Variants in DSCAM observed in about 807,000 individuals in gnomAD.
DSCAM encodes the protein DS cell adhesion molecule.
A neutral mutation model predicts 217.7 loss-of-function variants in DSCAM; 47 were observed. That is an observed-to-expected ratio of 0.22 (90% CI 0.17 to 0.28). The LOEUF (loss-of-function observed/expected upper bound fraction) is 0.28, where lower values mean the gene tolerates loss of function less well. Ranked by LOEUF, DSCAM falls within the 10% of genes least tolerant of loss-of-function variation. The probability of loss-of-function intolerance (pLI) is 1.00; values close to 1 mark genes in which losing one functional copy is unlikely to be tolerated. For synonymous variants in DSCAM, 1,056 were observed against 1,015.3 expected, an observed-to-expected ratio of 1.04 and a Z score of -0.76; for missense variants, 2,080 against 2,618.3, an observed-to-expected ratio of 0.79 and a Z score of 4.49.
At chr21:40,210,521 T>C (rs1387213297) in intron 11 of DSCAM, among the ~76,000 whole-genome samples, 1 of 152,186 alleles carries the variant, frequency 6.6e-6, no homozygotes, top group Non-Finnish European at 1.5e-5. Flanking sequence ...CATTATCCAG[T>C]AGACTAGATG....
At chr21:40,501,392 T>C (rs2146036474) in intron 3 of DSCAM, among the ~76,000 whole-genome samples, 1 of 152,300 alleles carries the variant, frequency 6.6e-6, no homozygotes, top group African/African-American at 2.4e-5. Context: ...TTAGTATTAT[T>C]CCTGTGAGCT....
chr21:40,749,669 T>G (rs62223045), intron 1 of DSCAM, among the ~76,000 whole-genome samples: 6,886 of 152,174 alleles, frequency 0.045, 213 homozygotes, highest in Non-Finnish European at 0.069. Context: ...GCATGAAAGA[T>G]CCTCAAAAAT....
At chr21:40,043,016 G>T (rs932924406) in intron 31 of DSCAM, among the ~76,000 whole-genome samples, 5 of 152,234 alleles carry the variant, frequency 3.3e-5, no homozygotes, top group African/African-American at 1.2e-4. Flanking sequence ...GCTCCAACCT[G>T]CAAATGGATC....
At chr21:40,421,457 C>G in intron 3 of DSCAM, among the ~76,000 whole-genome samples, 1 of 152,178 alleles carries the variant, frequency 6.6e-6, no homozygotes, top group East Asian at 1.9e-4. Context: ...TTAGCATGCT[C>G]CTTTTTGAAG....
At position 40,204,835 on chromosome 21, in the gene DSCAM, A is replaced by G. The variant is rs541926856; in HGVS notation, c.2357-15597T>C. The stretch of plus-strand genomic sequence containing the variant: ...CAAGTGTGTCTGCACATGCACACAC[A>G]CAGTCACATGTGCAACTAAAACCAG... On this transcript the variant is annotated intron_variant, in intron 11 of 32. Transcript: ENST00000400454. 2.8e-4 allele frequency among the ~76,000 whole-genome samples: 43 copies of G among 152,330 alleles called. No individual in the cohort carries two copies. In the South Asian group the frequency reaches 5.6e-3, roughly 20 times the overall value.
In DSCAM at chr21:40,740,252, G is replaced by A. The variant is rs140508309; in HGVS notation, c.44-31481C>T. On this transcript the variant is annotated intron_variant, in intron 1 of 32. Transcript: ENST00000400454. The stretch of plus-strand genomic sequence containing the variant: ...TTTCAAATACAGTTAGCTTTGAGCC[G>A]TGCCAATCCAAGCATGGCAGGTTTT... Among the ~76,000 whole-genome samples, 42 of 152,232 alleles carry A rather than the reference G, an allele frequency of 2.8e-4. No individual in the cohort carries two copies. The East Asian group carries it at 3.9e-3, about 14-fold the overall frequency.
chr21:40,275,582 T>C (rs923799229), intron 11 of DSCAM, among the ~76,000 whole-genome samples: 1 of 152,228 alleles, frequency 6.6e-6, no homozygotes, highest in African/African-American at 2.4e-5. Flanking sequence ...AGCGCCAGCA[T>C]TAAGCCTAGT....
At chr21:40,285,744 C>T (rs921388180) in intron 10 of DSCAM, among the ~76,000 whole-genome samples, 2 of 152,154 alleles carry the variant, frequency 1.3e-5, no homozygotes, top group Non-Finnish European at 2.9e-5. Context: ...GGATCCATAT[C>T]GGACTTTGAA....
chr21:40,409,301 TA>T (rs1445556250), intron 3 of DSCAM, among the ~76,000 whole-genome samples: 1 of 152,238 alleles, frequency 6.6e-6, no homozygotes, highest in Admixed American at 6.5e-5. Flanking sequence ...CCTTTTATCT[TA>T]TGCAACTTGA....
intron 24 of DSCAM, among the ~76,000 whole-genome samples, chr21:40,082,492 C>G (rs553324697): frequency 6.6e-6 from 1 of 152,094 alleles, no homozygotes; most frequent in Non-Finnish European, 1.5e-5. Context: ...AGTCATTAGA[C>G]AGTGATAATT....
intron 11 of DSCAM, among the ~76,000 whole-genome samples, chr21:40,191,015 A>G (rs1414295526): frequency 6.6e-6 from 1 of 152,206 alleles, no homozygotes; most frequent in Non-Finnish European, 1.5e-5. Context: ...TCATTTCCCC[A>G]ATCACAGGAA....
chr21:40,742,742 C>T (rs17000274), intron 1 of DSCAM, among the ~76,000 whole-genome samples: 3,208 of 152,202 alleles, frequency 0.021, 116 homozygotes, highest in African/African-American at 0.074. Context: ...TGGATTACGT[C>T]CTATCCTTAC....
intron 3 of DSCAM, among the ~76,000 whole-genome samples, chr21:40,517,059 GTATA>G (rs554763917): frequency 6.9e-6 from 1 of 145,844 alleles, no homozygotes; most frequent in Non-Finnish European, 1.5e-5. Flanking sequence ...TATACTCTGT[GTATA>G]TATATACATA....
intron 24 of DSCAM, among the ~76,000 whole-genome samples, chr21:40,082,714 AAG>A (rs1167306308): frequency 1.3e-5 from 2 of 148,274 alleles, no homozygotes; most frequent in Non-Finnish European, 3.0e-5. Context: ...AAAAAAAAAA[AAG>A]ATCTTCCCTT....
At chr21:40,620,123 A>G (rs1212904710) in intron 3 of DSCAM, among the ~76,000 whole-genome samples, 3 of 112,366 alleles carry the variant, frequency 2.7e-5, no homozygotes, top group African/African-American at 7.9e-5. Context: ...AAAAGAAAGA[A>G]AGAGAGAGAG....
intron 11 of DSCAM, among the ~76,000 whole-genome samples, chr21:40,267,667 C>T (rs929780204): frequency 6.6e-6 from 1 of 152,118 alleles, no homozygotes; most frequent in African/African-American, 2.4e-5. Context: ...GAGGCTGAGG[C>T]AGGCAGATCA....
intron 3 of DSCAM, among the ~76,000 whole-genome samples, chr21:40,518,599 TATATAC>T (rs1436846156): frequency 8.6e-5 from 7 of 81,670 alleles, no homozygotes; most frequent in African/African-American, 5.0e-4. Flanking sequence ...CACACACACA[TATATAC>T]ATACACACAC....
At chr21:40,386,882 A>G (rs953533837) in intron 3 of DSCAM, among the ~76,000 whole-genome samples, 1 of 152,094 alleles carries the variant, frequency 6.6e-6, no homozygotes, top group African/African-American at 2.4e-5. Context: ...TCCCTCTAGG[A>G]TTTTAAGATA....
At chr21:40,039,164 T>C (rs1023368978) in intron 32 of DSCAM, among the ~76,000 whole-genome samples, 4 of 144,780 alleles carry the variant, frequency 2.8e-5, no homozygotes, top group Non-Finnish European at 6.2e-5. Flanking sequence ...ACTTAAAGTA[T>C]AATAATAAAG....
Sources: gnomAD v4.1 joint callset for allele counts (sites outside exome capture counted in the v4.1 genomes callset) on GRCh38, gnomAD v4.1.1 for gene constraint, MANE v1.5 for transcripts, NCBI Gene and HGNC (gene_info 2026-07-23, HGNC 2026-07-21) for gene names.